The following KMT2C variants were observed in gnomAD, a reference collection of about 807,000 sequenced individuals.
KMT2C encodes lysine methyltransferase 2C, also known as histone-lysine N-methyltransferase 2C.
Under a neutral mutation model 507.9 loss-of-function variants are expected in KMT2C, and 88 were observed. That is an observed-to-expected ratio of 0.17 (90% confidence interval 0.15 to 0.21). The LOEUF (loss-of-function observed/expected upper bound fraction) is 0.21. Among genes scored for constraint, KMT2C ranks in the 10% least tolerant of loss-of-function variants. KMT2C has a pLI of 1.00. For synonymous variants in KMT2C, 2,049 were observed against 2,080.8 expected (o/e 0.98, Z 0.42); for missense variants, 4,954 against 5,957.8 (o/e 0.83, Z 5.55).
intron 3 of KMT2C, among the ~76,000 whole-genome samples, chr7:152,316,066 T>C (rs1242533010): frequency 6.6e-6 from 1 of 152,088 alleles, no homozygotes; most frequent in African/African-American, 2.4e-5. Context: ...ACCACACACA[T>C]GCATACACAC....
In KMT2C at chr7:152,182,260, C is replaced by T. The variant is rs2093458656; in HGVS notation, c.5600G>A (p.Ser1867Asn). Residue 1867 changes from serine (S) to asparagine (N), a missense_variant, in exon 36 of 59, where the codon AGT (serine) becomes AAT (asparagine). Coordinates refer to ENST00000262189, the MANE Select transcript of KMT2C (RefSeq NM_170606.3). ...CTGAGAAGTCTGAGCCTGAGAAAGACTATCCTGGATGGGAATCCGGGATGG... is the reference window on the plus strand; with the variant it reads ...CTGAGAAGTCTGAGCCTGAGAAAGATTATCCTGGATGGGAATCCGGGATGG... ...PAPSRIPIQD[S>N]LSQAQTSQPP... 2 of 1,613,928 alleles carry T rather than the reference C, an allele frequency of 1.2e-6. No individual in the cohort carries two copies. Among genetic ancestry groups the T allele is most frequent in the Non-Finnish European group, 1.7e-6 (2 of 1,179,996 alleles).
chr7:152,282,797 AC>A (rs949245584), intron 6 of KMT2C, among the ~76,000 whole-genome samples: 1 of 148,708 alleles, frequency 6.7e-6, no homozygotes, highest in African/African-American at 2.5e-5. Context: ...AGAAATGTGT[AC>A]CTATTATTCA....
In KMT2C at chr7:152,163,561, C is replaced by T. The variant is rs2092571186; in HGVS notation, c.10016G>A (p.Ser3339Asn). The stretch of plus-strand genomic sequence containing the variant: ...ATTGAGGGGCAGGTGGGCAGGAGCA[C>T]TGTTGGGTTGCCATCCAGGTAAACT... ...MPSLPGWQPN[S>N]APAHLPLNPP... The change falls in exon 43 of 59, where the codon AGT (serine) becomes AAT (asparagine). Residue 3339 changes from serine (S) to asparagine (N), a missense_variant. By Grantham distance (46) the Ser-to-Asn change is conservative. Coordinates refer to ENST00000262189, the MANE Select transcript of KMT2C (RefSeq NM_170606.3). 1.2e-6 allele frequency: 2 copies of T among 1,607,756 alleles called. No individual in the cohort carries two copies. Among genetic ancestry groups the T allele is most frequent in the Admixed American group, 1.7e-5 (1 of 59,686 alleles).
intron 26 of KMT2C, among the ~76,000 whole-genome samples, chr7:152,201,293 GACACACACACACACACAC>G (rs3839689): frequency 4.4e-5 from 6 of 137,054 alleles, no homozygotes; most frequent in South Asian, 2.4e-4. Flanking sequence ...TACAGACACA[GACACACACACACACACAC>G]ACACACACAC....
chr7:152,218,637 C>CA (rs1409394786), intron 23 of KMT2C, among the ~76,000 whole-genome samples: 2 of 152,168 alleles, frequency 1.3e-5, no homozygotes, highest in Non-Finnish European at 2.9e-5. Flanking sequence ...CAGGAACATT[C>CA]AATGGCCTCC....
chr7:152,307,191 G>GGAAGGA (rs764291687), intron 6 of KMT2C, among the ~76,000 whole-genome samples: 3 of 88,208 alleles, frequency 3.4e-5, no homozygotes, highest in African/African-American at 1.4e-4. Context: ...AAGGAAAGAA[G>GGAAGGA]AGGGAGGAAG....
Position 152,252,666 on chromosome 7 carries a change from T to C in KMT2C, c.1349A>G (p.His450Arg). 1 of 1,613,532 alleles carries C rather than the reference T, an allele frequency of 6.2e-7. No homozygotes were observed. The highest frequency in any genetic ancestry group is 2.2e-5 in the East Asian group (1 of 44,818). ...ECGTRSSSQW[H>R]HNCLICDNCY... ...ATTGTCACATATCAGGCAATTGTGGTGCCACTGAGAACTAGACCGTGTGCC... is the reference window on the plus strand; with the variant it reads ...ATTGTCACATATCAGGCAATTGTGGCGCCACTGAGAACTAGACCGTGTGCC... The change falls in exon 10 of 59, where the codon CAC (histidine) becomes CGC (arginine). Residue 450 changes from histidine to arginine, a missense_variant. By Grantham distance (29) the His-to-Arg change is conservative (BLOSUM62 0). Around this residue, in one of 29 missense-constraint regions of KMT2C, gnomAD observed 376 missense variants for 352.4 expected, o/e 1.07. Coordinates refer to ENST00000262189, the MANE Select transcript of KMT2C (RefSeq NM_170606.3).
At chr7:152,385,689 A>T (rs897565284) in intron 1 of KMT2C, among the ~76,000 whole-genome samples, 1 of 143,642 alleles carries the variant, frequency 7.0e-6, no homozygotes, top group Non-Finnish European at 1.5e-5. Flanking sequence ...TGATGATATT[A>T]TGGATTTAAC....
chr7:152,359,904 C>T (rs1162838119), intron 1 of KMT2C, among the ~76,000 whole-genome samples: 1 of 151,304 alleles, frequency 6.6e-6, no homozygotes, highest in Non-Finnish European at 1.5e-5. Context: ...CAAAAATTAG[C>T]CAGGTGTTGT....
intron 1 of KMT2C, among the ~76,000 whole-genome samples, chr7:152,421,044 A>C (rs1425520154): frequency 6.6e-6 from 1 of 152,030 alleles, no homozygotes; most frequent in African/African-American, 2.4e-5. Flanking sequence ...TAATAAAAAA[A>C]AAACAAGCAA....
chr7:152,427,424 A>G (rs946084911), intron 1 of KMT2C, among the ~76,000 whole-genome samples: 43 of 152,230 alleles, frequency 2.8e-4, no homozygotes, highest in Non-Finnish European at 4.4e-4. Context: ...TGCTAAACTT[A>G]CTGCTTTACA....
intron 6 of KMT2C, among the ~76,000 whole-genome samples, chr7:152,294,169 C>T (rs1463243508): frequency 6.6e-6 from 1 of 152,078 alleles, no homozygotes; most frequent in Non-Finnish European, 1.5e-5. Context: ...TATGCCCAGC[C>T]ACATCAATTT....
chr7:152,426,309 C>A (rs2097819082), intron 1 of KMT2C, among the ~76,000 whole-genome samples: 1 of 148,158 alleles, frequency 6.7e-6, no homozygotes, highest in Admixed American at 6.9e-5. Flanking sequence ...ATGATCACAG[C>A]TCACTGTAGC....
At chr7:152,422,883 C>T (rs1451109294) in intron 1 of KMT2C, among the ~76,000 whole-genome samples, 53 of 151,842 alleles carry the variant, frequency 3.5e-4, no homozygotes, top group Admixed American at 3.3e-3. Context: ...ATTAGCCAGG[C>T]ATGGTGGCCT....
intron 6 of KMT2C, among the ~76,000 whole-genome samples, chr7:152,295,015 C>T (rs1465951834): frequency 6.6e-6 from 1 of 152,102 alleles, no homozygotes; most frequent in African/African-American, 2.4e-5. Context: ...CGGTTTCAGG[C>T]TCAGCACAAC....
At chr7:152,268,278 C>CA (rs34989674) in intron 7 of KMT2C, among the ~76,000 whole-genome samples, 6,789 of 150,698 alleles carry the variant, frequency 0.045, 246 homozygotes, top group South Asian at 0.09. Context: ...GACCCTGTCT[C>CA]AAAAAAAAAC....
intron 1 of KMT2C, among the ~76,000 whole-genome samples, chr7:152,385,555 T>C (rs1478987395): frequency 1.1e-5 from 1 of 93,768 alleles, no homozygotes; most frequent in Non-Finnish European, 1.7e-5. Context: ...GAGCTTGCAG[T>C]GAGCCGAGAT....
chr7:152,399,414 T>A (rs1464809573), intron 1 of KMT2C, among the ~76,000 whole-genome samples: 2 of 152,060 alleles, frequency 1.3e-5, no homozygotes, highest in African/African-American at 4.8e-5. Flanking sequence ...TGGAAAGAGA[T>A]CTCTTCTAAA....
chr7:152,167,618 A>T (rs1191852244), intron 41 of KMT2C, among the ~76,000 whole-genome samples: 2 of 152,238 alleles, frequency 1.3e-5, no homozygotes, highest in Non-Finnish European at 2.9e-5. Context: ...GCACTTATAA[A>T]TATTACAAAT....
Sources: allele counts gnomAD v4.1 joint callset (sites outside exome capture counted in the v4.1 genomes callset), GRCh38; gene constraint gnomAD v4.1.1; regional missense constraint gnomAD v4.1.1; transcripts MANE v1.5; gene names NCBI Gene and HGNC (gene_info 2026-07-23, HGNC 2026-07-21).